The following ATP8A2 variants were observed in gnomAD, a reference collection of about 807,000 sequenced individuals.
ATP8A2 encodes phospholipid-transporting ATPase IB.
A neutral mutation model predicts 165.6 loss-of-function variants in ATP8A2; 100 were observed. The ratio of observed to expected loss-of-function variants is 0.60; its 90% CI spans 0.51 to 0.71. The LOEUF (loss-of-function observed/expected upper bound fraction) is 0.71, where lower values mean the gene tolerates loss of function less well. Ranked by LOEUF, ATP8A2 falls within the 30% of genes least tolerant of loss-of-function variation. ATP8A2 has a pLI of 0.00. For missense variants in ATP8A2, 1,227 were observed against 1,479.5 expected (o/e 0.83, Z 2.80); for synonymous variants, 543 against 548.8 (o/e 0.99, Z 0.15).
chr13:25,519,774 T>G (rs1390047747), intron 2 of ATP8A2, among the ~76,000 whole-genome samples: 1 of 152,124 alleles, frequency 6.6e-6, no homozygotes, highest in African/African-American at 2.4e-5. Flanking sequence ...TGGGAATGTC[T>G]TTAGGGGAGG....
intron 35 of ATP8A2, among the ~76,000 whole-genome samples, chr13:26,002,914 A>T (rs1282895208): frequency 6.9e-6 from 1 of 145,974 alleles, no homozygotes; most frequent in Admixed American, 6.9e-5. Context: ...CAGTTTCTTC[A>T]TCCACTCATT....
At chr13:25,480,179 C>A (rs547185706) in intron 2 of ATP8A2, among the ~76,000 whole-genome samples, 2 of 144,224 alleles carry the variant, frequency 1.4e-5, no homozygotes, top group Admixed American at 6.9e-5. Flanking sequence ...CTGACCCCCC[C>A]ACCTCCCTCC....
chr13:25,507,713 A>T (rs778194229), intron 2 of ATP8A2, among the ~76,000 whole-genome samples: 2 of 152,236 alleles, frequency 1.3e-5, no homozygotes, highest in Non-Finnish European at 2.9e-5. Flanking sequence ...TAGCCATTAC[A>T]TATATAATGA....
At chr13:25,723,109 A>G (rs1485065557) in intron 25 of ATP8A2, among the ~76,000 whole-genome samples, 1 of 152,232 alleles carries the variant, frequency 6.6e-6, no homozygotes, top group Non-Finnish European at 1.5e-5. Flanking sequence ...TTCTTGCCAG[A>G]TTTCAAGTGT....
chr13:25,423,561 A>G (rs2138112470), intron 1 of ATP8A2, among the ~76,000 whole-genome samples: 1 of 152,334 alleles, frequency 6.6e-6, no homozygotes, highest in East Asian at 1.9e-4. Flanking sequence ...GTCTATATTT[A>G]TATGACAATC....
At chr13:25,705,149 C>T (rs1179966903) in intron 25 of ATP8A2, 8 of 431,290 alleles carry the variant, frequency 1.9e-5, no homozygotes, top group Middle Eastern at 3.3e-4. Context: ...CTCATTTTCC[C>T]TTTTTCTTTG....
chr13:25,554,193 T>C (rs1445612875), intron 12 of ATP8A2, among the ~76,000 whole-genome samples: 1 of 152,198 alleles, frequency 6.6e-6, no homozygotes, highest in East Asian at 1.9e-4. Flanking sequence ...CTGCACCTGC[T>C]ATTCACGCTT....
intron 25 of ATP8A2, among the ~76,000 whole-genome samples, chr13:25,746,026 G>A (rs763428471): frequency 4.2e-4 from 64 of 152,296 alleles, no homozygotes; most frequent in Non-Finnish European, 4.6e-4. Context: ...CTGACTTCTC[G>A]TTGATCTGCA....
rs1957092020 is a variant in ATP8A2 at position 26,022,295 on chromosome 13, T to C, written c.*2310T>C. The C allele has an allele frequency of 6.6e-6, 1 of 152,224 alleles. No homozygotes were observed. Among genetic ancestry groups the C allele is most frequent in the Non-Finnish European group, 1.5e-5 (1 of 68,038 alleles). 9.4% of individuals were successfully genotyped at this position (152,224 alleles called of 1,614,324 possible). On this transcript the variant is annotated 3_prime_UTR_variant, in exon 37 of 37. Transcript: ENST00000381655. ...TGTCTCATTTGGGAACTAAGCCTAT[T>C]TGGAAAGAGTGGATTAGAAATTGAA... is the stretch of plus-strand genomic sequence containing the variant.
At chr13:25,615,166 G>A (rs745627213) in intron 24 of ATP8A2, among the ~76,000 whole-genome samples, 28 of 152,280 alleles carry the variant, frequency 1.8e-4, no homozygotes, top group East Asian at 3.9e-4. Context: ...TGAGGGCAAG[G>A]TTAGGTGTGT....
intron 27 of ATP8A2, among the ~76,000 whole-genome samples, chr13:25,785,211 C>G (rs1374601407): frequency 2.6e-5 from 4 of 151,134 alleles, no homozygotes; most frequent in African/African-American, 9.7e-5. Context: ...CCAGCCTGGC[C>G]AACATGGTGA....
intron 26 of ATP8A2, among the ~76,000 whole-genome samples, chr13:25,769,982 C>T (rs964305359): frequency 3.3e-5 from 5 of 152,256 alleles, no homozygotes; most frequent in South Asian, 2.1e-4. Flanking sequence ...TTTCCTAACC[C>T]GTAGGGTGCA....
intron 27 of ATP8A2, among the ~76,000 whole-genome samples, chr13:25,795,393 TG>T (rs1950480484): frequency 6.6e-6 from 1 of 152,222 alleles, no homozygotes; most frequent in Non-Finnish European, 1.5e-5. Flanking sequence ...TCTGTGCCCA[TG>T]TTTAGCATAT....
intron 35 of ATP8A2, among the ~76,000 whole-genome samples, chr13:26,005,454 G>T (rs4769445): frequency 6.6e-6 from 1 of 152,014 alleles, no homozygotes; most frequent in African/African-American, 2.4e-5. Flanking sequence ...TTCTGCTCTG[G>T]TCTTTTTTGT....
At chr13:25,614,203 T>G (rs2040763566) in intron 24 of ATP8A2, among the ~76,000 whole-genome samples, 1 of 152,158 alleles carries the variant, frequency 6.6e-6, no homozygotes, top group African/African-American at 2.4e-5. Context: ...ATACAAAACT[T>G]CTTGGAGGCT....
At chr13:25,912,623 T>G (rs182331679) in intron 33 of ATP8A2, among the ~76,000 whole-genome samples, 9 of 152,224 alleles carry the variant, frequency 5.9e-5, no homozygotes, top group Non-Finnish European at 1.0e-4. Flanking sequence ...ATTGTATTCG[T>G]GAATCATGGC....
chr13:25,659,894 GCATGTTATT>G (rs1233704720), intron 24 of ATP8A2, among the ~76,000 whole-genome samples: 2 of 152,106 alleles, frequency 1.3e-5, no homozygotes, highest in Non-Finnish European at 2.9e-5. Flanking sequence ...TTTCTAATAA[GCATGTTATT>G]ACATTTAGAA....
At chr13:25,900,425 C>A (rs190281488) in intron 33 of ATP8A2, among the ~76,000 whole-genome samples, 1 of 152,026 alleles carries the variant, frequency 6.6e-6, no homozygotes, top group East Asian at 1.9e-4. Flanking sequence ...TCAGTGTTTA[C>A]GAAGGGATGT....
Position 25,536,308 on chromosome 13 carries a change from G to A in ATP8A2, c.508-1680G>A, listed in dbSNP as rs894534058. On this transcript the variant is annotated intron_variant, in intron 6 of 36. Coordinates refer to ENST00000381655, the MANE Select transcript of ATP8A2 (RefSeq NM_016529.6). ...TTTTTTTTTTTTTAGTGAGATGGGG[G>A]TTTCACCATGTTAGCCAGGCTGGTC... is the stretch of plus-strand genomic sequence containing the variant. 3.3e-5 allele frequency among the ~76,000 whole-genome samples: 5 copies of A among 150,470 alleles called. No individual in the cohort carries two copies. In the South Asian group the frequency reaches 8.4e-4, roughly 25 times the overall value.
Sources: allele counts gnomAD v4.1 joint callset (sites outside exome capture counted in the v4.1 genomes callset), GRCh38; gene constraint gnomAD v4.1.1; transcripts MANE v1.5; gene names NCBI Gene and HGNC (gene_info 2026-07-23, HGNC 2026-07-21).